The following MBTPS1 variants were observed in gnomAD, a reference collection of about 807,000 sequenced individuals.
MBTPS1 encodes the protein membrane-bound transcription factor site-1 protease.
A neutral mutation model predicts 127.8 loss-of-function variants in MBTPS1; 94 were observed. The observed-to-expected ratio is 0.74, with a 90% CI of 0.62 to 0.87. The LOEUF is 0.87. Ranked by LOEUF, MBTPS1 falls within the 40% of genes least tolerant of loss-of-function variation. The pLI is 0.00. For synonymous variants in MBTPS1, 632 were observed against 509.4 expected (o/e 1.24, Z -3.24); for missense variants, 1,636 against 1,353.2 (o/e 1.21, Z -3.28).
intron 1 of MBTPS1, chr16:84,110,805 C>A (rs1416433528): frequency 6.6e-6 from 1 of 152,188 alleles, no homozygotes; most frequent in African/African-American, 2.4e-5. Flanking sequence ...AGGCAGGTCG[C>A]CTGCTTTCCT....
intron 8 of MBTPS1, among the ~76,000 whole-genome samples, chr16:84,089,045 C>G (rs574145404): frequency 6.6e-5 from 10 of 152,268 alleles, no homozygotes; most frequent in Non-Finnish European, 1.2e-4. Flanking sequence ...TTCAGAACGG[C>G]AGCCAGCGTG....
In MBTPS1 at chr16:84,087,391, G is replaced by C. The variant is rs768417679; in HGVS notation, c.1101C>G (p.Ile367Met). The C allele has an allele frequency of 6.2e-7, 1 of 1,612,016 alleles. No homozygotes were observed. Among genetic ancestry groups the C allele is most frequent in the South Asian group, 1.1e-5 (1 of 91,038 alleles). The stretch of plus-strand genomic sequence containing the variant: ...TCATTCCCCTTGAAGAAAAGCGGGC[G>C]ATGTTATCTTCAAAGTCAATGCCGC... Reference protein sequence around the residue: ...GVGGIDFEDNIARFSSRGMTT... With the variant: ...GVGGIDFEDNMARFSSRGMTT... The change falls in exon 9 of 23, where the codon ATC (isoleucine) becomes ATG (methionine). Residue 367 changes from isoleucine to methionine, a missense_variant. Ile to Met is a conservative substitution (Grantham distance 10). Transcript: ENST00000343411.
chr16:84,102,061 A>G lies in MBTPS1; in HGVS notation c.-278T>C. 2 of 328,938 alleles carry G rather than the reference A, an allele frequency of 6.1e-6. No homozygotes were observed. The highest frequency in any genetic ancestry group is 1.1e-5 in the Non-Finnish European group (2 of 177,484). The allele number at this position is 328,938 out of a possible 1,614,324, so 20.4% of individuals were successfully genotyped here. Reference sequence around the variant, plus strand: ...GAGTCCTGTACTCCATTTGTACCACAGAACCAACGTCCAATGGGGTTGATC... The same window carrying G: ...GAGTCCTGTACTCCATTTGTACCACGGAACCAACGTCCAATGGGGTTGATC... On this transcript the variant is annotated 5_prime_UTR_variant, in exon 2 of 23. Coordinates refer to ENST00000343411, the MANE Select transcript of MBTPS1 (RefSeq NM_003791.4).
In MBTPS1 at chr16:84,085,145, A is replaced by G; in HGVS notation, c.1135-11T>C. ...GCCTCCTGGTAGCTCCTATGAATAA[A>G]AGCAGCTTGGTTGCTACATCTCGCA... On this transcript the variant is annotated splice_polypyrimidine_tract_variant and intron_variant, in intron 9 of 22. Coordinates refer to ENST00000343411, the MANE Select transcript of MBTPS1 (RefSeq NM_003791.4). 6.2e-7 allele frequency: 1 copy of G among 1,613,710 alleles called. No homozygotes were observed. The highest frequency in any genetic ancestry group is 8.5e-7 in the Non-Finnish European group (1 of 1,179,772).
chr16:84,091,893 T>A, intron 6 of MBTPS1, 45 bp from the exon 7 acceptor site: 1 of 1,123,420 alleles, frequency 8.9e-7, no homozygotes, highest in Middle Eastern at 2.0e-4. Context: ...CAATCAAGTT[T>A]TAAAGTGCTA....
intron 11 of MBTPS1, 152 bp from the exon 12 acceptor site, chr16:84,074,893 T>C (rs559353913): frequency 1.1e-3 from 667 of 633,582 alleles, no homozygotes; most frequent in Non-Finnish European, 1.6e-3. Context: ...AACTTGGCTC[T>C]GGAATGCTCC....
intron 6 of MBTPS1, 141 bp from the exon 7 acceptor site, chr16:84,091,989 G>A: frequency 1.6e-6 from 1 of 606,506 alleles, no homozygotes; most frequent in African/African-American, 1.9e-5. Context: ...TGAATCCTGA[G>A]CATGCATAAT....
chr16:84,089,864 G>C (rs1227000541), intron 8 of MBTPS1, among the ~76,000 whole-genome samples: 1 of 152,210 alleles, frequency 6.6e-6, no homozygotes, highest in Admixed American at 6.5e-5. Flanking sequence ...TCAGAAATGG[G>C]AGGAACATTT....
intron 1 of MBTPS1, among the ~76,000 whole-genome samples, chr16:84,109,803 G>A (rs2086374670): frequency 6.6e-6 from 1 of 152,174 alleles, no homozygotes; most frequent in Admixed American, 6.5e-5. Flanking sequence ...CAAAACCCAA[G>A]TAAGCCTGCC....
intron 1 of MBTPS1, among the ~76,000 whole-genome samples, chr16:84,102,943 AC>A (rs1465644611): frequency 2.5e-4 from 38 of 152,356 alleles, no homozygotes; most frequent in African/African-American, 8.9e-4. Context: ...GTGTTATAAA[AC>A]CAGATTATCT....
At chr16:84,070,854 T>C (rs2085760698) in intron 12 of MBTPS1, 78 bp from the exon 13 acceptor site, 1 of 1,166,264 alleles carries the variant, frequency 8.6e-7, no homozygotes, top group East Asian at 2.4e-5. Context: ...AAAAACTCAA[T>C]TCTTACCAAA....
At position 84,063,345 on chromosome 16, in the gene MBTPS1, A is replaced by G. The variant is rs544699754; in HGVS notation, c.2532T>C (p.Tyr844=). ...TGTCATCCAAGCAATTGGAGTCCCCATACAGTACAATCCGGCCTCCACCCT... is the reference window on the plus strand; with the variant it reads ...TGTCATCCAAGCAATTGGAGTCCCCGTACAGTACAATCCGGCCTCCACCCT... ...PAEGGGRIVL[Y]GDSNCLDDSH... is the part of the protein sequence containing the mutation. Residue 844 remains tyrosine (Y), a synonymous_variant, in exon 19 of 23, where the codon TAT becomes TAC. Transcript: ENST00000343411. 1.2e-5 allele frequency: 20 copies of G among 1,614,176 alleles called. No individual in the cohort carries two copies. The Admixed American group carries it at 3.3e-4, about 27-fold the overall frequency.
rs756580241 is a variant in MBTPS1 at position 84,085,124 on chromosome 16, C to G, written c.1145G>C (p.Gly382Ala). ...GTCAGGTTTCATGCGACCGTAGCCT[C>G]CTGGTAGCTCCTATGAATAAAAGCA... Reference protein sequence around the residue: ...SRGMTTWELPGGYGRMKPDIV... With the variant: ...SRGMTTWELPAGYGRMKPDIV... Residue 382 changes from glycine (G) to alanine (A), a missense_variant, in exon 10 of 23, where the codon GGA (glycine) becomes GCA (alanine). By Grantham distance (60) the Gly-to-Ala change is moderately conservative. Transcript: ENST00000343411. 6.2e-7 allele frequency: 1 copy of G among 1,614,162 alleles called. No individual in the cohort carries two copies. The highest frequency in any genetic ancestry group is 8.5e-7 in the Non-Finnish European group (1 of 1,180,022).
In MBTPS1 at chr16:84,093,809, C is replaced by G. The variant is rs2151164101; in HGVS notation, c.638G>C (p.Arg213Thr). The change falls in exon 5 of 23, where the codon AGA becomes ACA. Residue 213 changes from arginine to threonine, a missense_variant. Physicochemically the swap from Arg to Thr is moderately conservative, Grantham distance 71. Coordinates refer to ENST00000343411, the MANE Select transcript of MBTPS1 (RefSeq NM_003791.4). ...CAGCCCAGTGTCAAAAACAGCAACT[C>G]TTACATTAGCACCTTATTCGGAAAA... is the stretch of plus-strand genomic sequence containing the variant. The part of the protein sequence containing the change: ...WQMGYTGANV[R>T]VAVFDTGLSE... 1 of 1,606,796 alleles carries G rather than the reference C, an allele frequency of 6.2e-7. No homozygotes were observed. The highest frequency in any genetic ancestry group is 2.2e-5 in the East Asian group (1 of 44,856).
At chr16:84,089,078 T>A (rs2086069009) in intron 8 of MBTPS1, among the ~76,000 whole-genome samples, 3 of 152,162 alleles carry the variant, frequency 2.0e-5, no homozygotes. Context: ...CCGAACAGCA[T>A]GCGAAAGAGC....
chr16:84,070,905 A>T (rs2151148422), intron 12 of MBTPS1, 129 bp from the exon 13 acceptor site: 1 of 694,262 alleles, frequency 1.4e-6, no homozygotes, highest in Non-Finnish European at 2.4e-6. Context: ...GGAAAAATAA[A>T]ATTTATACAC....
intron 11 of MBTPS1, 86 bp downstream of exon 11, chr16:84,081,661 T>C (rs1432084588): frequency 9.2e-7 from 1 of 1,089,330 alleles, no homozygotes; most frequent in African/African-American, 1.6e-5. Context: ...ATTTTCTGTT[T>C]TGAGGCTTGT....
At chr16:84,065,874 TTTAA>T (rs1258768845) in intron 17 of MBTPS1, 107 bp from the exon 18 acceptor site, 2 of 583,358 alleles carry the variant, frequency 3.4e-6, no homozygotes, top group Non-Finnish European at 5.8e-6. Flanking sequence ...TATGTATTTT[TTTAA>T]TTGTTTTTAA....
Position 84,074,702 on chromosome 16 carries a change from G to A in MBTPS1, c.1488C>T (p.Tyr496=), listed in dbSNP as rs1232760476. The stretch of plus-strand genomic sequence containing the variant: ...TGGGCTGGGAGCAGTAGGGCCACAT[G>A]TAGGGACACTCAGTCAGATCTATGT... ...PSYIDLTECP[Y]MWPYCSQPIY... Residue 496 remains tyrosine (Y), a synonymous_variant, in exon 12 of 23, where the codon TAC becomes TAT. Transcript: ENST00000343411. The A allele has an allele frequency of 6.2e-7, 1 of 1,614,020 alleles. No individual in the cohort carries two copies. Among genetic ancestry groups the A allele is most frequent in the Non-Finnish European group, 8.5e-7 (1 of 1,179,972 alleles).
Sources: allele counts gnomAD v4.1 joint callset (sites outside exome capture counted in the v4.1 genomes callset), GRCh38; gene constraint gnomAD v4.1.1; transcripts MANE v1.5; gene names NCBI Gene and HGNC (gene_info 2026-07-23, HGNC 2026-07-21).